The following COL6A5 variants were observed in gnomAD, a reference collection of about 807,000 sequenced individuals.
The protein encoded by COL6A5 is collagen type VI alpha 5 chain, also known as collagen alpha-5(VI) chain.
Under a neutral mutation model 65.6 loss-of-function variants are expected in COL6A5, and 48 were observed. The ratio of observed to expected loss-of-function variants is 0.73; its 90% CI spans 0.58 to 0.93. The LOEUF is 0.93. COL6A5 is among the 40% of genes least tolerant of loss of function. The probability of loss-of-function intolerance (pLI) is 0.00; values close to 1 mark genes in which losing one functional copy is unlikely to be tolerated. For missense variants in COL6A5, 914 were observed against 928.3 expected, an observed-to-expected ratio of 0.98 and a Z score of 0.20; for synonymous variants, 291 against 322.8, an observed-to-expected ratio of 0.90 and a Z score of 1.05.
chr3:130,365,098 T>G (rs978424286), intron 1 of COL6A5, among the ~76,000 whole-genome samples: 1 of 151,830 alleles, frequency 6.6e-6, no homozygotes, highest in African/African-American at 2.4e-5. Context: ...GTGCTCATTG[T>G]TGGATCAATC....
chr3:130,409,727 G>A (rs1937112625), intron 18 of COL6A5, among the ~76,000 whole-genome samples: 1 of 152,094 alleles, frequency 6.6e-6, no homozygotes, highest in African/African-American at 2.4e-5. Context: ...AATAGCCTAA[G>A]AATATTTGAA....
chr3:130,380,721 G>T (rs970496741), intron 4 of COL6A5, among the ~76,000 whole-genome samples: 1 of 152,080 alleles, frequency 6.6e-6, no homozygotes, highest in Non-Finnish European at 1.5e-5. Context: ...TGTGTCTAGT[G>T]GCTGTCATAT....
Position 130,468,990 on chromosome 3 carries a change from C to T in COL6A5, c.1742C>T (p.Thr581Ile). ...TTTCACATTGCCCCCACTCCACTGACCTCCACCTTAGGAGACAGGGTTGCT... is the reference window on the plus strand; with the variant it reads ...TTTCACATTGCCCCCACTCCACTGATCTCCACCTTAGGAGACAGGGTTGCT... Residue 581 changes from threonine (T) to isoleucine (I), a missense_variant, in exon 6 of 8, where the codon ACC becomes ATC. Physicochemically the swap from Thr to Ile is moderately conservative, Grantham distance 89 (BLOSUM62 -1). Coordinates refer to ENST00000512836, the Ensembl canonical transcript of COL6A5. 4 of 1,612,858 alleles carry T rather than the reference C, an allele frequency of 2.5e-6. No individual in the cohort carries two copies. Among genetic ancestry groups the T allele is most frequent in the Non-Finnish European group, 3.4e-6 (4 of 1,179,390 alleles).
At chr3:130,367,564 TG>T (rs934743391) in intron 1 of COL6A5, among the ~76,000 whole-genome samples, 1 of 152,186 alleles carries the variant, frequency 6.6e-6, no homozygotes, top group African/African-American at 2.4e-5. Flanking sequence ...CAGTTCAGAA[TG>T]GGAGGTGGAC....
At chr3:130,404,123 T>C (rs6773017) in intron 13 of COL6A5, among the ~76,000 whole-genome samples, 88,148 of 152,070 alleles carry the variant, frequency 0.58, 28,287 homozygotes, top group Non-Finnish European at 0.73. Flanking sequence ...CACCCTTCCA[T>C]GGAAAGGGAA....
chr3:130,379,198 C>G (rs944342549), intron 3 of COL6A5, among the ~76,000 whole-genome samples: 3 of 151,946 alleles, frequency 2.0e-5, no homozygotes. Flanking sequence ...TGGTCAGAAG[C>G]ATTCTTCAGA....
chr3:130,440,812 A>G (rs748869243), exon 3 of COL6A5: 88 of 1,610,176 alleles, frequency 5.5e-5, no homozygotes, highest in Non-Finnish European at 7.4e-5. Flanking sequence ...AGCCATTTTT[A>G]TACTCGGTCA....
chr3:130,389,262 G>C (rs1936311501), intron 6 of COL6A5, 128 bp downstream of exon 6: 1 of 540,456 alleles, frequency 1.9e-6, no homozygotes, highest in Non-Finnish European at 2.9e-6. Context: ...TCTTCTTTAT[G>C]TAATATTAAA....
chr3:130,455,478 AT>A lies in COL6A5; in HGVS notation c.1362del (p.Leu455TrpfsTer11), dbSNP rs1231836053. ...AGATTTGTTACTGAGCTACAAGAGGATTTTTTGGGAGGTAATGGCTTCATTG... is the reference window on the plus strand; with the variant it reads ...AGATTTGTTACTGAGCTACAAGAGGATTTTTGGGAGGTAATGGCTTCATTG... On this transcript the variant is annotated frameshift_variant, in exon 5 of 8. Transcript: ENST00000512836. LOFTEE classifies it high-confidence loss of function. The A allele has an allele frequency of 1.9e-6, 3 of 1,611,328 alleles. No homozygotes were observed. Among genetic ancestry groups the A allele is most frequent in the East Asian group, 2.2e-5 (1 of 44,672 alleles).
intron 22 of COL6A5, among the ~76,000 whole-genome samples, chr3:130,414,853 G>A (rs1331192663): frequency 1.3e-5 from 2 of 152,070 alleles, no homozygotes; most frequent in Non-Finnish European, 2.9e-5. Flanking sequence ...CAGGTATTAG[G>A]ACCAAACTGG....
intron 1 of COL6A5, among the ~76,000 whole-genome samples, chr3:130,369,663 G>A (rs1935477700): frequency 6.6e-6 from 1 of 152,206 alleles, no homozygotes; most frequent in African/African-American, 2.4e-5. Context: ...CCAAAGGAAT[G>A]CAATCAAAAG....
chr3:130,376,778 A>G, exon 3 of COL6A5: 2 of 1,613,664 alleles, frequency 1.2e-6, no homozygotes, highest in South Asian at 2.2e-5. Context: ...AAAACATGAC[A>G]CAGATCATCA....
chr3:130,477,571 A>T (rs928385196), intron 7 of COL6A5, among the ~76,000 whole-genome samples: 1 of 151,966 alleles, frequency 6.6e-6, no homozygotes. Context: ...TATTTTTCCA[A>T]TATCAACTGT....
intron 1 of COL6A5, among the ~76,000 whole-genome samples, chr3:130,356,264 A>G (rs1174703721): frequency 2.6e-5 from 4 of 152,208 alleles, no homozygotes; most frequent in African/African-American, 9.6e-5. Context: ...AGCATGGTGT[A>G]GAAATGCATA....
intron 16 of COL6A5, 41 bp downstream of exon 16, chr3:130,406,216 G>A (rs1347533659): frequency 7.7e-6 from 12 of 1,549,266 alleles, no homozygotes; most frequent in African/African-American, 2.7e-5. Flanking sequence ...CTGTCATGAG[G>A]TTGCTAAAAT....
upstream of COL6A5, among the ~76,000 whole-genome samples, chr3:130,430,239 G>A (rs956736296): frequency 6.6e-6 from 1 of 152,168 alleles, no homozygotes; most frequent in African/African-American, 2.4e-5. Context: ...AAGAGTAAGT[G>A]CTCAATACAA....
chr3:130,408,092 A>G (rs1937053635), intron 17 of COL6A5, among the ~76,000 whole-genome samples: 1 of 152,208 alleles, frequency 6.6e-6, no homozygotes, highest in Non-Finnish European at 1.5e-5. Flanking sequence ...ACCTTGAAAA[A>G]GACAGGATAA....
chr3:130,402,215 A>G (rs1936840510), intron 12 of COL6A5, among the ~76,000 whole-genome samples: 1 of 152,168 alleles, frequency 6.6e-6, no homozygotes, highest in African/African-American at 2.4e-5. Context: ...CTAAGGTGGG[A>G]AGATCACTTG....
chr3:130,364,163 T>C (rs1935244793), intron 1 of COL6A5, among the ~76,000 whole-genome samples: 1 of 152,192 alleles, frequency 6.6e-6, no homozygotes, highest in Admixed American at 6.5e-5. Flanking sequence ...CATATTATAT[T>C]TGTGATTTTT....
Sources: allele counts gnomAD v4.1 joint callset (sites outside exome capture counted in the v4.1 genomes callset), GRCh38; gene constraint gnomAD v4.1.1; transcripts MANE v1.5; gene names NCBI Gene and HGNC (gene_info 2026-07-23, HGNC 2026-07-21).